Variants in SHCBP1 observed in about 807,000 individuals in gnomAD.
The protein encoded by SHCBP1 is SHC binding and spindle associated 1.
A neutral mutation model predicts 75.1 loss-of-function variants in SHCBP1; 60 were observed. The ratio of observed to expected loss-of-function variants is 0.80; its 90% CI spans 0.65 to 0.99. SHCBP1 has a LOEUF of 0.99. Ranked by LOEUF, SHCBP1 falls within the 50% of genes least tolerant of loss-of-function variation. SHCBP1 has a pLI of 0.00. For synonymous variants in SHCBP1, 290 were observed against 293.2 expected, an observed-to-expected ratio of 0.99 and a Z score of 0.11; for missense variants, 709 against 809.4, an observed-to-expected ratio of 0.88 and a Z score of 1.50.
At chr16:46,604,551 T>G in intron 5 of SHCBP1, 90 bp from the exon 6 acceptor site, 1 of 828,528 alleles carries the variant, frequency 1.2e-6, no homozygotes, top group Non-Finnish European at 2.0e-6. Context: ...AAAGACCCAG[T>G]AAGAGTTTTA....
intron 10 of SHCBP1, among the ~76,000 whole-genome samples, chr16:46,585,958 G>A (rs958355579): frequency 1.2e-4 from 19 of 152,200 alleles, no homozygotes; most frequent in African/African-American, 4.3e-4. Flanking sequence ...CCAGTAACAA[G>A]ATGATACCCA....
Position 46,603,673 on chromosome 16 carries a change from A to T in SHCBP1, c.1093-14T>A, listed in dbSNP as rs1965278805. On this transcript the variant is annotated splice_polypyrimidine_tract_variant and intron_variant, in intron 7 of 12. Coordinates refer to ENST00000303383, the MANE Select transcript of SHCBP1 (RefSeq NM_024745.5). ...ATCACTATGGAACTAGAAAACAATA[A>T]GAACACATTTGTAAATATACACTCC... The T allele has an allele frequency of 1.2e-6, 2 of 1,614,058 alleles. No individual in the cohort carries two copies. Among genetic ancestry groups the T allele is most frequent in the Non-Finnish European group, 1.7e-6 (2 of 1,179,974 alleles).
rs149330399 is a variant in SHCBP1, at chr16:46,610,628, G to A, written c.597-2239C>T. 3.8e-3 allele frequency among the ~76,000 whole-genome samples: 511 copies of A among 133,578 alleles called. 7 individuals are homozygous for A. Among genetic ancestry groups the A allele is most frequent in the African/African-American group, 0.014 (497 of 36,140 alleles). 87.6% of individuals were successfully genotyped at this position (133,578 alleles called of 152,430 possible). A position where few individuals can be genotyped will look rare whatever the true frequency, so the allele number is the denominator to read the frequency against. On this transcript the variant is annotated intron_variant, in intron 4 of 12. Transcript: ENST00000303383. ...TGGAGTGCAGTAGTAGCATGACCTC[G>A]GCTCACTGCAGCCTCCGCCTCCTGG...
chr16:46,595,931 C>A (rs947662175), intron 9 of SHCBP1, among the ~76,000 whole-genome samples: 1 of 151,824 alleles, frequency 6.6e-6, no homozygotes, highest in African/African-American at 2.4e-5. Context: ...AAAAAAAAAG[C>A]ATCAGAGAGC....
chr16:46,601,288 G>A (rs1055341911), intron 8 of SHCBP1, among the ~76,000 whole-genome samples: 2 of 152,088 alleles, frequency 1.3e-5, no homozygotes, highest in East Asian at 1.9e-4. Context: ...CAGCCTGGGC[G>A]ACAGAGCAAG....
At position 46,581,860 on chromosome 16, in the gene SHCBP1, T is replaced by C; in HGVS notation, c.1888A>G (p.Lys630Glu). 6 of 1,614,182 alleles carry C rather than the reference T, an allele frequency of 3.7e-6. No homozygotes were observed. The highest frequency in any genetic ancestry group is 5.1e-6 in the Non-Finnish European group (6 of 1,180,032). Reference sequence around the variant, plus strand: ...ATCCCCAGTTCACTCAACCTTTTCTTCTTTATCTGGCCTTTCTGTGTGGAG... The same window carrying C: ...ATCCCCAGTTCACTCAACCTTTTCTCCTTTATCTGGCCTTTCTGTGTGGAG... ...AASTQKGQIKKKRLSELGITQ... is the reference protein window; with the variant it reads ...AASTQKGQIKEKRLSELGITQ... Residue 630 changes from lysine to glutamate, a missense_variant, in exon 13 of 13, where the codon AAG (lysine) becomes GAG (glutamate). Transcript: ENST00000303383.
rs775972348 is a variant in SHCBP1, at chr16:46,616,716, C to T, written c.388-562G>A. ...GAAGCCATAAAGCCAACACTAAGCCCTTGGTAAAGACAATATCTTAGGAGT... is the reference window on the plus strand; with the variant it reads ...GAAGCCATAAAGCCAACACTAAGCCTTTGGTAAAGACAATATCTTAGGAGT... On this transcript the variant is annotated intron_variant, in intron 3 of 12. Transcript: ENST00000303383. The surrounding 1 kb of genome is among the most constrained non-coding windows in gnomAD (Gnocchi z 4.4). 1.3e-5 allele frequency among the ~76,000 whole-genome samples: 2 copies of T among 152,126 alleles called. No homozygotes were observed. The highest frequency in any genetic ancestry group is 2.4e-5 in the African/African-American group (1 of 41,416).
At chr16:46,594,731 G>C (rs1187749579) in intron 10 of SHCBP1, among the ~76,000 whole-genome samples, 2 of 150,258 alleles carry the variant, frequency 1.3e-5, no homozygotes, top group African/African-American at 4.9e-5. Context: ...ACCTACAATT[G>C]CATCCATTGT....
In SHCBP1 at chr16:46,580,916, T is replaced by A. The variant is rs954822791; in HGVS notation, c.*813A>T. The A allele has an allele frequency of 3.9e-5, 6 of 152,084 alleles. No homozygotes were observed. Among genetic ancestry groups the A allele is most frequent in the East Asian group, 3.9e-4 (2 of 5,164 alleles). The allele number at this position is 152,084 out of a possible 1,614,324, so 9.4% of individuals were successfully genotyped here. A position where few individuals can be genotyped will look rare whatever the true frequency, so the allele number is the denominator to read the frequency against. ...ACCACCACACTCAGCTAATTTTTTT[T>A]AAATTTATTTTTAGTAGAGACAGGG... is the stretch of plus-strand genomic sequence containing the variant. On this transcript the variant is annotated 3_prime_UTR_variant, in exon 13 of 13. Coordinates refer to ENST00000303383, the MANE Select transcript of SHCBP1 (RefSeq NM_024745.5).
intron 4 of SHCBP1, among the ~76,000 whole-genome samples, chr16:46,615,737 C>G (rs994724482): frequency 6.6e-6 from 1 of 151,660 alleles, no homozygotes; most frequent in Non-Finnish European, 1.5e-5. Context: ...AAGACTATGT[C>G]TCAAAATTAA....
At chr16:46,585,272 G>A (rs1239438755) in intron 10 of SHCBP1, among the ~76,000 whole-genome samples, 3 of 152,080 alleles carry the variant, frequency 2.0e-5, no homozygotes, top group Non-Finnish European at 2.9e-5. Context: ...AGTAACTGAG[G>A]AGCCTGCCAC....
intron 4 of SHCBP1, among the ~76,000 whole-genome samples, chr16:46,615,508 G>T (rs1965480466): frequency 6.6e-6 from 1 of 152,176 alleles, no homozygotes; most frequent in Non-Finnish European, 1.5e-5. Flanking sequence ...GGGAGGCCAA[G>T]GCAGGTGGAT....
At chr16:46,585,423 C>A (rs1964941231) in intron 10 of SHCBP1, among the ~76,000 whole-genome samples, 1 of 152,032 alleles carries the variant, frequency 6.6e-6, no homozygotes, top group South Asian at 2.1e-4. Flanking sequence ...ACCCAAGAAA[C>A]AACACCAACA....
chr16:46,591,399 G>C (rs1965046160), intron 10 of SHCBP1, among the ~76,000 whole-genome samples: 1 of 152,010 alleles, frequency 6.6e-6, no homozygotes, highest in Non-Finnish European at 1.5e-5. Flanking sequence ...AGATAAAGTA[G>C]ACTTTGGAGC....
intron 10 of SHCBP1, among the ~76,000 whole-genome samples, chr16:46,588,770 T>A (rs1160665355): frequency 6.6e-6 from 1 of 152,160 alleles, no homozygotes; most frequent in African/African-American, 2.4e-5. Flanking sequence ...CCATTCCTTC[T>A]GAAACTATTC....
Position 46,595,572 on chromosome 16 carries a change from A to C in SHCBP1, c.1444T>G (p.Ser482Ala). 6.2e-7 allele frequency: 1 copy of C among 1,613,992 alleles called. No homozygotes were observed. The highest frequency in any genetic ancestry group is 1.1e-5 in the South Asian group (1 of 91,072). Reference protein sequence around the residue: ...RTSAEFLMKNSDLYGAKGAGI... With the variant: ...RTSAEFLMKNADLYGAKGAGI... ...TCTACCTTGGCGCCATATAAATCCG[A>C]GTTCTTCATTAGAAACTCTGCTGAT... The change falls in exon 10 of 13, where the codon TCG (serine) becomes GCG (alanine). Residue 482 changes from serine (S) to alanine (A), a missense_variant. Transcript: ENST00000303383.
chr16:46,591,087 T>A (rs1055988057), intron 10 of SHCBP1, among the ~76,000 whole-genome samples: 3 of 152,138 alleles, frequency 2.0e-5, no homozygotes, highest in Non-Finnish European at 4.4e-5. Context: ...AAACACCGCA[T>A]GTTGTCACTC....
chr16:46,594,696 A>C (rs1458806690), intron 10 of SHCBP1, among the ~76,000 whole-genome samples: 1 of 152,148 alleles, frequency 6.6e-6, no homozygotes, highest in Non-Finnish European at 1.5e-5. Flanking sequence ...AAAAAAAAAA[A>C]ACCTAAACAT....
intron 10 of SHCBP1, among the ~76,000 whole-genome samples, chr16:46,594,136 A>G (rs1422168412): frequency 2.0e-5 from 3 of 152,216 alleles, no homozygotes; most frequent in Non-Finnish European, 1.5e-5. Flanking sequence ...TATGTAAAAT[A>G]TAACGCTATA....
Sources: gnomAD v4.1 joint callset for allele counts (sites outside exome capture counted in the v4.1 genomes callset) on GRCh38, gnomAD v4.1.1 for gene constraint, Gnocchi (gnomAD v3.1) non-coding constraint, MANE v1.5 for transcripts, NCBI Gene and HGNC (gene_info 2026-07-23, HGNC 2026-07-21) for gene names.